GHR: variants seen among roughly 807,000 people sequenced by gnomAD.
GHR encodes the protein GH receptor.
Under a neutral mutation model 67.1 loss-of-function variants are expected in GHR, and 35 were observed. The ratio of observed to expected loss-of-function variants is 0.52; its 90% confidence interval spans 0.40 to 0.69. The LOEUF is 0.69. Ranked by LOEUF, GHR falls within the 30% of genes least tolerant of loss-of-function variation. GHR has a pLI of 0.00. For synonymous variants in GHR, 272 were observed against 269.1 expected, an observed-to-expected ratio of 1.01 and a Z score of -0.10; for missense variants, 792 against 764.6, an observed-to-expected ratio of 1.04 and a Z score of -0.42.
chr5:42,536,672 G>A (rs946412864), intron 1 of GHR, among the ~76,000 whole-genome samples: 1 of 152,088 alleles, frequency 6.6e-6, no homozygotes, highest in African/African-American at 2.4e-5. Flanking sequence ...GGTGATGCTG[G>A]CTTCATAGAA....
At chr5:42,717,705 T>C (rs569976147) in intron 8 of GHR, among the ~76,000 whole-genome samples, 1 of 152,312 alleles carries the variant, frequency 6.6e-6, no homozygotes, top group Admixed American at 6.5e-5. Context: ...ATAGCTGAAA[T>C]GGAAATCAGC....
chr5:42,606,409 C>T (rs913265993), intron 2 of GHR, among the ~76,000 whole-genome samples: 18 of 152,152 alleles, frequency 1.2e-4, no homozygotes, highest in Admixed American at 6.5e-5. Context: ...ATGCTAGCAT[C>T]TGCTTCCAGT....
intron 1 of GHR, among the ~76,000 whole-genome samples, chr5:42,484,064 T>G (rs1448544952): frequency 2.6e-5 from 4 of 152,242 alleles, no homozygotes; most frequent in African/African-American, 9.6e-5. Context: ...TAATAATGCT[T>G]GCTGGCCAGC....
intron 2 of GHR, among the ~76,000 whole-genome samples, chr5:42,616,820 C>T (rs1361602883): frequency 6.6e-6 from 1 of 152,036 alleles, no homozygotes; most frequent in Non-Finnish European, 1.5e-5. Context: ...GTGGCTCAGG[C>T]ATCCTCAAAG....
At chr5:42,511,842 T>A (rs1282826466) in intron 1 of GHR, among the ~76,000 whole-genome samples, 1 of 152,138 alleles carries the variant, frequency 6.6e-6, no homozygotes, top group Admixed American at 6.5e-5. Context: ...AGCAATAAAG[T>A]CTTAATATTT....
chr5:42,702,546 G>T (rs903182465), intron 6 of GHR, among the ~76,000 whole-genome samples: 4 of 152,022 alleles, frequency 2.6e-5, no homozygotes, highest in African/African-American at 9.7e-5. Context: ...ATTTTCCTTG[G>T]ATATATACTT....
At chr5:42,432,011 C>A (rs1743117699) in intron 1 of GHR, among the ~76,000 whole-genome samples, 1 of 152,156 alleles carries the variant, frequency 6.6e-6, no homozygotes, top group Non-Finnish European at 1.5e-5. Context: ...GCAATCTGAA[C>A]AGGTACTTTT....
chr5:42,675,648 C>T (rs1756536140), intron 3 of GHR, among the ~76,000 whole-genome samples: 2 of 152,144 alleles, frequency 1.3e-5, no homozygotes, highest in African/African-American at 4.8e-5. Context: ...TTATACAATA[C>T]ATTTTATGAA....
Position 42,435,373 on chromosome 5 carries a change from A to T in GHR, c.-12+11418A>T, listed in dbSNP as rs374107781. On this transcript the variant is annotated intron_variant, in intron 1 of 9. Coordinates refer to ENST00000230882, the MANE Select transcript of GHR (RefSeq NM_000163.5). Reference sequence around the variant, plus strand: ...ATTATTAGCAGGTTATGAAACTTAGATTTTAAAGTCAATAATAAAAGCCAT... The same window carrying T: ...ATTATTAGCAGGTTATGAAACTTAGTTTTTAAAGTCAATAATAAAAGCCAT... Among the ~76,000 whole-genome samples the T allele has an allele frequency of 3.2e-4, 48 of 152,328 alleles. 2 individuals carry two copies. The highest frequency in any genetic ancestry group is 1.1e-3 in the African/African-American group (46 of 41,570).
chr5:42,523,739 A>C (rs902413705), intron 1 of GHR, among the ~76,000 whole-genome samples: 4 of 152,082 alleles, frequency 2.6e-5, no homozygotes, highest in African/African-American at 9.7e-5. Context: ...TGTGTCCCCA[A>C]CCAAATCTCA....
chr5:42,442,953 A>G (rs1743641154), intron 1 of GHR, among the ~76,000 whole-genome samples: 1 of 152,240 alleles, frequency 6.6e-6, no homozygotes, highest in Non-Finnish European at 1.5e-5. Flanking sequence ...GGAAGATGGT[A>G]TAATTAAGCA....
chr5:42,586,077 C>G (rs565310159), intron 2 of GHR, among the ~76,000 whole-genome samples: 1 of 152,274 alleles, frequency 6.6e-6, no homozygotes, highest in Non-Finnish European at 1.5e-5. Context: ...AACTATGGCA[C>G]ACAAATGTTT....
rs6861356 is a variant in GHR, at chr5:42,458,246, T to A, written c.-12+34291T>A. Among the ~76,000 whole-genome samples, 333 of 152,246 alleles carry A rather than the reference T, an allele frequency of 2.2e-3. 1 individual carries two copies. Among genetic ancestry groups the A allele is most frequent in the African/African-American group, 7.8e-3 (326 of 41,544 alleles). On this transcript the variant is annotated intron_variant, in intron 1 of 9. Coordinates refer to ENST00000230882, the MANE Select transcript of GHR (RefSeq NM_000163.5). ...TTCAAATCATACTACAAGGCTACAGTAACCAAAACAGCATGTCACTGGCAC... is the reference window on the plus strand; with the variant it reads ...TTCAAATCATACTACAAGGCTACAGAAACCAAAACAGCATGTCACTGGCAC...
chr5:42,536,649 G>A (rs556478491), intron 1 of GHR, among the ~76,000 whole-genome samples: 64 of 152,166 alleles, frequency 4.2e-4, no homozygotes, highest in African/African-American at 1.5e-3. Context: ...TCCTTTCCTG[G>A]TTTTGGTATT....
intron 6 of GHR, among the ~76,000 whole-genome samples, chr5:42,705,644 G>C (rs1431628442): frequency 6.6e-6 from 1 of 152,114 alleles, no homozygotes; most frequent in African/African-American, 2.4e-5. Context: ...TAATAAGTGA[G>C]AATATGTGGT....
chr5:42,479,618 A>T (rs1579784362), intron 1 of GHR, among the ~76,000 whole-genome samples: 1 of 151,900 alleles, frequency 6.6e-6, no homozygotes, highest in Non-Finnish European at 1.5e-5. Flanking sequence ...TCTTGGGAGG[A>T]TGTATGTGTC....
At chr5:42,454,319 C>T (rs1320240014) in intron 1 of GHR, among the ~76,000 whole-genome samples, 1 of 152,196 alleles carries the variant, frequency 6.6e-6, no homozygotes, top group Non-Finnish European at 1.5e-5. Flanking sequence ...CTAAGGACCT[C>T]TGGTTAGCCA....
intron 1 of GHR, among the ~76,000 whole-genome samples, chr5:42,464,533 GAGAAGAAAC>G (rs1461075648): frequency 6.6e-6 from 1 of 152,206 alleles, no homozygotes; most frequent in African/African-American, 2.4e-5. Flanking sequence ...AGAGGAAAGA[GAGAAGAAAC>G]AGGCAAGTGT....
At chr5:42,707,221 C>G (rs1758220793) in intron 6 of GHR, among the ~76,000 whole-genome samples, 1 of 150,578 alleles carries the variant, frequency 6.6e-6, no homozygotes, top group African/African-American at 2.5e-5. Flanking sequence ...CACATACCGC[C>G]CCCCCAAACA....
Sources: gnomAD v4.1 joint callset for allele counts (sites outside exome capture counted in the v4.1 genomes callset) on GRCh38, gnomAD v4.1.1 for gene constraint, MANE v1.5 for transcripts, NCBI Gene and HGNC (gene_info 2026-07-23, HGNC 2026-07-21) for gene names.